The following EMG1 variants were observed in gnomAD, a reference collection of about 807,000 sequenced individuals.
EMG1 encodes ribosomal RNA small subunit methyltransferase NEP1.
In EMG1, 24 loss-of-function variants were observed where a neutral mutation model predicts 26.9. That is an observed-to-expected ratio of 0.89 (90% CI 0.65 to 1.26). EMG1 has a LOEUF of 1.26. Among genes scored for constraint, EMG1 ranks in the 50% most tolerant of loss-of-function variants. The pLI is 0.00. For synonymous variants in EMG1, 140 were observed against 112.6 expected (o/e 1.24, Z -1.54); for missense variants, 299 against 307.6 (o/e 0.97, Z 0.21).
At chr12:6,973,241 C>T (rs1946354045) in intron 1 of EMG1, among the ~76,000 whole-genome samples, 1 of 152,048 alleles carries the variant, frequency 6.6e-6, no homozygotes, top group Non-Finnish European at 1.5e-5. Flanking sequence ...AGTCTTGGCT[C>T]ACTGCAATCT....
chr12:6,992,394 T>A (rs781976082), downstream of EMG1, among the ~76,000 whole-genome samples: 98 of 152,264 alleles, frequency 6.4e-4, no homozygotes, highest in Non-Finnish European at 1.2e-3. Flanking sequence ...CTGTTTTGAT[T>A]GTGAGTGCAT....
chr12:6,992,920 A>T (rs1946602591), downstream of EMG1, among the ~76,000 whole-genome samples: 1 of 152,194 alleles, frequency 6.6e-6, no homozygotes, highest in Non-Finnish European at 1.5e-5. Context: ...GATTACTCAT[A>T]ATACCTAATA....
chr12:6,994,873 T>A (rs1946624169), intron 7 of EMG1, among the ~76,000 whole-genome samples: 1 of 152,230 alleles, frequency 6.6e-6, no homozygotes, highest in African/African-American at 2.4e-5. Context: ...TAGATGTTGC[T>A]GACCCCCAGG....
intron 7 of EMG1, among the ~76,000 whole-genome samples, chr12:6,996,202 A>G (rs1946634736): frequency 6.6e-6 from 1 of 152,240 alleles, no homozygotes; most frequent in South Asian, 2.1e-4. Context: ...AATGTTAAGC[A>G]GGTCCAGCCT....
Position 6,977,199 on chromosome 12 carries a change from A to G in EMG1, c.*1390A>G, listed in dbSNP as rs781908784. The G allele has an allele frequency of 1.9e-6, 3 of 1,613,858 alleles. No homozygotes were observed. The highest frequency in any genetic ancestry group is 2.5e-6 in the Non-Finnish European group (3 of 1,179,704). On this transcript the variant is annotated 3_prime_UTR_variant, in exon 6 of 6. Transcript: ENST00000599672. The surrounding 1 kb of genome is among the most constrained non-coding windows in gnomAD (Gnocchi z 4.5). ...CTTGGCACCATTGCTTTGTGAATAT[A>G]AGGCAATATGAATAGTAGGCTCAGG...
At chr12:6,974,813 T>C in intron 3 of EMG1, 120 bp downstream of exon 3, 1 of 1,077,932 alleles carries the variant, frequency 9.3e-7, no homozygotes, top group East Asian at 2.5e-5. Context: ...ACATGATTAA[T>C]ACCAGGACAA....
intron 3 of EMG1, 40 bp from the exon 4 acceptor site, chr12:6,975,050 G>A (rs1281320995): frequency 6.3e-7 from 1 of 1,592,136 alleles, no homozygotes; most frequent in Non-Finnish European, 8.6e-7. Flanking sequence ...GAAGGACTGT[G>A]GTCTCCATCT....
Position 6,978,484 on chromosome 12 carries a change from G to T in EMG1, c.*2675G>T. ...TTTCTTCAAAGCCATTGAAGCCCAG[G>T]CCCGTCAAAATGCATACTCCTTCCT... On this transcript the variant is annotated 3_prime_UTR_variant, in exon 6 of 6. Coordinates refer to ENST00000599672, the MANE Select transcript of EMG1 (RefSeq NM_006331.8). 6.2e-7 allele frequency: 1 copy of T among 1,613,716 alleles called. No individual in the cohort carries two copies. Among genetic ancestry groups the T allele is most frequent in the Non-Finnish European group, 8.5e-7 (1 of 1,179,690 alleles).
At chr12:6,981,730 GA>G (rs1367487567), downstream of EMG1, 7 of 1,297,084 alleles carry the variant, frequency 5.4e-6, no homozygotes, top group African/African-American at 4.4e-5. Flanking sequence ...GCGGGGGGCG[GA>G]GGGGGGGTGC....
intron 1 of EMG1, among the ~76,000 whole-genome samples, chr12:6,971,439 A>G (rs1168434876): frequency 3.3e-5 from 5 of 151,686 alleles, no homozygotes; most frequent in Non-Finnish European, 7.4e-5. Flanking sequence ...ACGCCCGGCT[A>G]ATTTTTTTGT....
downstream of EMG1, among the ~76,000 whole-genome samples, chr12:6,982,438 C>CTTT (rs1946479595): frequency 1.3e-5 from 2 of 152,180 alleles, no homozygotes; most frequent in Admixed American, 6.6e-5. Context: ...CCTAATGGCA[C>CTTT]AGTATGCAAA....
chr12:6,982,525 G>A (rs181924001), downstream of EMG1: 134 of 622,544 alleles, frequency 2.2e-4, no homozygotes, highest in African/African-American at 2.4e-3. Flanking sequence ...TTGGGCCTGT[G>A]ATAAGCCACC....
At position 6,977,026 on chromosome 12, in the gene EMG1, G is replaced by A. The variant is rs1235932658; in HGVS notation, c.*1217G>A. Reference sequence around the variant, plus strand: ...CCCATACTGTGTTCCTTAGTAGCCAGGCTAATCCTTGGAATTCACCCCAGA... The same window carrying A: ...CCCATACTGTGTTCCTTAGTAGCCAAGCTAATCCTTGGAATTCACCCCAGA... On this transcript the variant is annotated 3_prime_UTR_variant, in exon 6 of 6. Coordinates refer to ENST00000599672, the MANE Select transcript of EMG1 (RefSeq NM_006331.8). The surrounding 1 kb of genome is among the most constrained non-coding windows in gnomAD (Gnocchi z 4.5). 2.7e-6 allele frequency: 2 copies of A among 745,376 alleles called. No homozygotes were observed. The highest frequency in any genetic ancestry group is 3.4e-5 in the African/African-American group (2 of 58,274). 46.2% of individuals were successfully genotyped at this position (745,376 alleles called of 1,614,324 possible).
chr12:6,973,749 A>G (rs1309162314), intron 1 of EMG1, among the ~76,000 whole-genome samples: 1 of 151,640 alleles, frequency 6.6e-6, no homozygotes, highest in Non-Finnish European at 1.5e-5. Flanking sequence ...TCACCGTGTT[A>G]GCCACGATGG....
chr12:6,971,764 C>T (rs1015323776), intron 1 of EMG1, among the ~76,000 whole-genome samples: 59 of 152,194 alleles, frequency 3.9e-4, no homozygotes, highest in African/African-American at 1.4e-3. Context: ...CCTAGTCTGC[C>T]CACACTTTTT....
At chr12:6,997,379 A>ATGTG (rs201579525) in exon 8 of EMG1, 24,449 of 113,886 alleles carry the variant, frequency 0.21, 2,707 homozygotes, top group Admixed American at 0.27. Context: ...ACAGCAAATT[A>ATGTG]TGTGTGTGTG....
At chr12:6,973,834 G>A (rs1181473666) in intron 1 of EMG1, among the ~76,000 whole-genome samples, 1 of 152,228 alleles carries the variant, frequency 6.6e-6, no homozygotes, top group Non-Finnish European at 1.5e-5. Context: ...GAGCCACCAC[G>A]CCCGGCCTTC....
chr12:6,990,037 G>A (rs1027716659), downstream of EMG1, among the ~76,000 whole-genome samples: 11 of 151,586 alleles, frequency 7.3e-5, no homozygotes, highest in African/African-American at 2.2e-4. Flanking sequence ...GTTGGGTGGG[G>A]TGGGTGGTGC....
rs1244847464 is a variant in EMG1 at position 6,987,671 on chromosome 12, G to GT, written c.*155-108dup. ...TCATAAATAAGTTCTAGGTAGCTAA[G>GT]TTTCTCTCTTTAAGCATGAAAACCC... On this transcript the variant is annotated intron_variant and NMD_transcript_variant, in intron 6 of 7. Transcript: ENST00000261406. This position sits in a 1 kb window ranked among gnomAD's most constrained non-coding sequence, Gnocchi z 4.1. The GT allele has an allele frequency of 2.0e-5, 8 of 396,258 alleles. No homozygotes were observed. Among genetic ancestry groups the GT allele is most frequent in the Admixed American group, 1.3e-4 (3 of 22,668 alleles). 24.5% of individuals were successfully genotyped at this position (396,258 alleles called of 1,614,324 possible). A position where few individuals can be genotyped will look rare whatever the true frequency, so the allele number is the denominator to read the frequency against.
Sources: gnomAD v4.1 joint callset for allele counts (sites outside exome capture counted in the v4.1 genomes callset) on GRCh38, gnomAD v4.1.1 for gene constraint, Gnocchi (gnomAD v3.1) non-coding constraint, MANE v1.5 for transcripts, NCBI Gene and HGNC (gene_info 2026-07-23, HGNC 2026-07-21) for gene names.